PCDH9: variants seen among roughly 807,000 people sequenced by gnomAD.
The protein encoded by PCDH9 is protocadherin 9.
Under a neutral mutation model 70.6 loss-of-function variants are expected in PCDH9, and 24 were observed. The ratio of observed to expected loss-of-function variants is 0.34; its 90% CI spans 0.25 to 0.48. The LOEUF (loss-of-function observed/expected upper bound fraction) is 0.48. Among genes scored for constraint, PCDH9 ranks in the 20% least tolerant of loss-of-function variants. The probability of loss-of-function intolerance (pLI) is 0.99; values close to 1 mark genes in which losing one functional copy is unlikely to be tolerated. For synonymous variants in PCDH9, 562 were observed against 558.5 expected (o/e 1.01, Z -0.09); for missense variants, 1,281 against 1,503.6 (o/e 0.85, Z 2.45).
intron 2 of PCDH9, among the ~76,000 whole-genome samples, chr13:67,011,209 A>G (rs980482629): frequency 6.6e-6 from 1 of 151,900 alleles, no homozygotes; most frequent in African/African-American, 2.4e-5. Context: ...TCACCCCCCC[A>G]GTACTTATTA....
chr13:66,304,886 A>C lies in PCDH9; in HGVS notation c.3483T>G (p.Phe1161Leu). The change falls in exon 5 of 5, where the codon TTT becomes TTG. Residue 1161 changes from phenylalanine (F) to leucine (L), a missense_variant. Physicochemically the swap from Phe to Leu is conservative, Grantham distance 22 (BLOSUM62 0). Transcript: ENST00000377865. ...YQHPKSPLSTFAPQKEWVKKD... is the reference protein window; with the variant it reads ...YQHPKSPLSTLAPQKEWVKKD... ...TCTTCACCCATTCTTTCTGGGGTGC[A>C]AAGGTTGAGAGAGGAGATTTGGGGT... 1 of 1,613,590 alleles carries C rather than the reference A, an allele frequency of 6.2e-7. No homozygotes were observed. The highest frequency in any genetic ancestry group is 8.5e-7 in the Non-Finnish European group (1 of 1,179,764).
chr13:66,773,201 C>T (rs1390843679), intron 3 of PCDH9, among the ~76,000 whole-genome samples: 4 of 152,158 alleles, frequency 2.6e-5, no homozygotes, highest in Non-Finnish European at 5.9e-5. Context: ...AATAGAATTT[C>T]CTTCAACGGA....
intron 4 of PCDH9, among the ~76,000 whole-genome samples, chr13:66,379,163 C>T (rs1956798118): frequency 6.6e-6 from 1 of 152,208 alleles, no homozygotes; most frequent in South Asian, 2.1e-4. Context: ...AGAGAAACTG[C>T]TGCATGGGCA....
intron 4 of PCDH9, among the ~76,000 whole-genome samples, chr13:66,349,518 C>T (rs1298748344): frequency 6.6e-6 from 1 of 152,158 alleles, no homozygotes; most frequent in Non-Finnish European, 1.5e-5. Flanking sequence ...ACACCCAGAG[C>T]TTTTTTCACA....
At chr13:66,595,085 A>G (rs1223898303) in intron 4 of PCDH9, among the ~76,000 whole-genome samples, 1 of 151,472 alleles carries the variant, frequency 6.6e-6, no homozygotes, top group African/African-American at 2.4e-5. Context: ...ATTTTTTTGA[A>G]AACTATATAG....
At chr13:67,071,172 C>T (rs568824200) in intron 2 of PCDH9, among the ~76,000 whole-genome samples, 8 of 152,204 alleles carry the variant, frequency 5.3e-5, no homozygotes, top group Middle Eastern at 3.4e-3. Context: ...TATTTCATGA[C>T]GATAGAATAA....
intron 4 of PCDH9, among the ~76,000 whole-genome samples, chr13:66,408,362 CA>C (rs1304723567): frequency 6.6e-6 from 1 of 152,198 alleles, no homozygotes; most frequent in African/African-American, 2.4e-5. Flanking sequence ...TCTCCATTCC[CA>C]ATTTCCTTAA....
intron 4 of PCDH9, among the ~76,000 whole-genome samples, chr13:66,560,301 C>T (rs1218876963): frequency 6.6e-6 from 1 of 152,056 alleles, no homozygotes; most frequent in Admixed American, 6.5e-5. Context: ...TTTCAGACTG[C>T]ATGGGAAGGG....
intron 3 of PCDH9, among the ~76,000 whole-genome samples, chr13:66,670,711 A>G (rs1389467385): frequency 4.6e-5 from 7 of 152,084 alleles, no homozygotes; most frequent in African/African-American, 1.7e-4. Flanking sequence ...ATTCACAGGT[A>G]CTGATGATAT....
intron 2 of PCDH9, among the ~76,000 whole-genome samples, chr13:67,108,617 T>C (rs1566430135): frequency 6.6e-6 from 1 of 152,178 alleles, no homozygotes. Context: ...CAAACACTTA[T>C]TACAGGAATA....
chr13:66,922,273 C>T lies in PCDH9; in HGVS notation c.3037-18668G>A, dbSNP rs376924912. On this transcript the variant is annotated intron_variant, in intron 2 of 4. Coordinates refer to ENST00000377865, the MANE Select transcript of PCDH9 (RefSeq NM_203487.3). The stretch of plus-strand genomic sequence containing the variant: ...AAAATGTTTGATATTATATAAAATA[C>T]ATATCTAGCTGTAAATGTCATGTTC... 2.6e-4 allele frequency among the ~76,000 whole-genome samples: 39 copies of T among 151,250 alleles called. 1 individual carries two copies. In the East Asian group the frequency reaches 6.6e-3, roughly 26 times the overall value.
intron 2 of PCDH9, among the ~76,000 whole-genome samples, chr13:67,006,181 CGT>C: frequency 6.6e-6 from 1 of 152,240 alleles, no homozygotes; most frequent in East Asian, 1.9e-4. Context: ...GAGCGGAGAT[CGT>C]GCCACTGCAC....
intron 2 of PCDH9, among the ~76,000 whole-genome samples, chr13:67,006,130 G>T (rs1047344961): frequency 6.6e-6 from 1 of 152,194 alleles, no homozygotes; most frequent in Non-Finnish European, 1.5e-5. Flanking sequence ...GGGAGGCTGA[G>T]GCAGGAGAAT....
At chr13:67,076,986 G>T (rs2138172720) in intron 2 of PCDH9, among the ~76,000 whole-genome samples, 1 of 152,234 alleles carries the variant, frequency 6.6e-6, no homozygotes, top group African/African-American at 2.4e-5. Flanking sequence ...CACGCTCATT[G>T]CTAACATCTT....
intron 3 of PCDH9, among the ~76,000 whole-genome samples, chr13:66,877,901 C>T (rs188178102): frequency 1.7e-3 from 265 of 152,306 alleles, no homozygotes; most frequent in Non-Finnish European, 3.0e-3. Flanking sequence ...TCCCACCAGC[C>T]CTTTCACCTT....
At chr13:66,701,267 G>GTATATA (rs111432563) in intron 3 of PCDH9, among the ~76,000 whole-genome samples, 8 of 150,036 alleles carry the variant, frequency 5.3e-5, no homozygotes, top group African/African-American at 2.0e-4. Context: ...CCGTTTTTGT[G>GTATATA]TATATATATA....
intron 2 of PCDH9, among the ~76,000 whole-genome samples, chr13:67,127,700 G>GTGTGTC (rs1555310069): frequency 1.3e-5 from 2 of 150,998 alleles, no homozygotes; most frequent in East Asian, 3.9e-4. Context: ...GTGTGTGTGT[G>GTGTGTC]TATGTGTGTG....
intron 4 of PCDH9, among the ~76,000 whole-genome samples, chr13:66,410,073 A>T (rs1434836029): frequency 6.6e-6 from 1 of 152,182 alleles, no homozygotes; most frequent in African/African-American, 2.4e-5. Context: ...TTTAACTTGG[A>T]TATAAAGTAA....
chr13:66,676,172 A>G (rs1437137336), intron 3 of PCDH9, among the ~76,000 whole-genome samples: 6 of 152,112 alleles, frequency 3.9e-5, no homozygotes, highest in East Asian at 1.9e-4. Flanking sequence ...CACAAATTCA[A>G]TAACTTTCAT....
Sources: allele counts gnomAD v4.1 joint callset (sites outside exome capture counted in the v4.1 genomes callset), GRCh38; gene constraint gnomAD v4.1.1; transcripts MANE v1.5; gene names NCBI Gene and HGNC (gene_info 2026-07-23, HGNC 2026-07-21).